OR51B5: variants seen among roughly 807,000 people sequenced by gnomAD.
The protein encoded by OR51B5 is olfactory receptor family 51 subfamily B member 5, also known as olfactory receptor 51B5.
For missense variants in OR51B5, 456 were observed against 374.6 expected (o/e 1.22, Z -1.79); for synonymous variants, 186 against 144.8 (o/e 1.28, Z -2.04).
intron 1 of OR51B5, among the ~76,000 whole-genome samples, chr11:5,377,284 T>A (rs1310009130): frequency 1.5e-4 from 23 of 152,164 alleles, no homozygotes. Flanking sequence ...AAACTTTCAA[T>A]AAATTAGGTA....
At chr11:5,439,780 G>C (rs1180713090) in intron 1 of OR51B5, among the ~76,000 whole-genome samples, 6 of 152,122 alleles carry the variant, frequency 3.9e-5, no homozygotes, top group Non-Finnish European at 8.8e-5. Flanking sequence ...TAATACCTGA[G>C]TGCTGTCAGA....
At chr11:5,351,411 TCTTATGAACA>T (rs11278853) in intron 1 of OR51B5, 163,015 of 900,482 alleles carry the variant, frequency 0.18, 14,830 homozygotes, top group Non-Finnish European at 0.21. Context: ...CTGGTGAACA[TCTTATGAACA>T]GGTAGAATTC....
Position 5,386,939 on chromosome 11 carries a change from G to A in OR51B5, n.85-40029C>T, listed in dbSNP as rs542681737. Among the ~76,000 whole-genome samples, 28 of 152,024 alleles carry A rather than the reference G, an allele frequency of 1.8e-4. No homozygotes were observed. In the South Asian group the frequency reaches 5.0e-3, roughly 27 times the overall value. ...TCAGGTGTGAAAAGATGGATGCTGG[G>A]CTCAATATTAGACGTGTTGAGTTTC... On this transcript the variant is annotated intron_variant and non_coding_transcript_variant, in intron 1 of 4. Transcript: ENST00000415970.
At chr11:5,398,111 T>A (rs1015158093) in intron 1 of OR51B5, among the ~76,000 whole-genome samples, 1 of 152,038 alleles carries the variant, frequency 6.6e-6, no homozygotes, top group Admixed American at 6.6e-5. Flanking sequence ...AAATGGTGAG[T>A]TAATGGGTGC....
chr11:5,351,899 C>T (rs5006887), intron 1 of OR51B5: 398,644 of 1,584,586 alleles, frequency 0.25, 54,398 homozygotes, highest in African/African-American at 0.31. Flanking sequence ...TTAAGATATA[C>T]CTCTATCCTG....
At chr11:5,357,041 A>T (rs940774748) in intron 1 of OR51B5, among the ~76,000 whole-genome samples, 3 of 152,088 alleles carry the variant, frequency 2.0e-5, no homozygotes, top group Non-Finnish European at 2.9e-5. Context: ...TGTAAAGACC[A>T]TTGAGGCTAG....
At chr11:5,382,725 G>A (rs950699468) in intron 1 of OR51B5, among the ~76,000 whole-genome samples, 3 of 152,120 alleles carry the variant, frequency 2.0e-5, no homozygotes, top group Non-Finnish European at 4.4e-5. Context: ...CCTGCTCTCT[G>A]CATCTTGTCC....
chr11:5,379,470 A>G (rs1487696894), intron 1 of OR51B5, among the ~76,000 whole-genome samples: 1 of 125,780 alleles, frequency 8.0e-6, no homozygotes, highest in Admixed American at 7.9e-5. Flanking sequence ...TAATAATAAT[A>G]AATAAAATAA....
intron 1 of OR51B5, among the ~76,000 whole-genome samples, chr11:5,418,344 A>T (rs1291618178): frequency 6.6e-6 from 1 of 152,100 alleles, no homozygotes; most frequent in Non-Finnish European, 1.5e-5. Context: ...AGCATGTCAC[A>T]TGTATACATA....
At chr11:5,476,609 A>T (rs1291899678) in intron 1 of OR51B5, among the ~76,000 whole-genome samples, 2 of 152,220 alleles carry the variant, frequency 1.3e-5, no homozygotes, top group African/African-American at 4.8e-5. Flanking sequence ...GAACAAGCCG[A>T]TAAGAGGAAG....
chr11:5,459,365 T>G (rs1031638838), intron 1 of OR51B5, among the ~76,000 whole-genome samples: 8 of 152,190 alleles, frequency 5.3e-5, no homozygotes, highest in Non-Finnish European at 1.2e-4. Context: ...GCTAGCATTT[T>G]GTTGAGGATT....
intron 1 of OR51B5, among the ~76,000 whole-genome samples, chr11:5,356,750 G>A (rs1849200725): frequency 8.0e-6 from 1 of 125,578 alleles, no homozygotes; most frequent in Admixed American, 8.0e-5. Flanking sequence ...CCCACAAAGG[G>A]AAGCCCATCA....
intron 1 of OR51B5, chr11:5,351,628 G>A: frequency 6.2e-7 from 1 of 1,614,044 alleles, no homozygotes; most frequent in Non-Finnish European, 8.5e-7. Context: ...TCTTGGCAAT[G>A]GCACTCTTCT....
intron 1 of OR51B5, among the ~76,000 whole-genome samples, chr11:5,353,323 A>C (rs1305337180): frequency 6.6e-6 from 1 of 152,196 alleles, no homozygotes; most frequent in African/African-American, 2.4e-5. Flanking sequence ...TTGTCTTGAT[A>C]GTTAATTCCA....
At chr11:5,454,070 C>T in intron 1 of OR51B5, 2 of 1,614,124 alleles carry the variant, frequency 1.2e-6, no homozygotes, top group Non-Finnish European at 1.7e-6. Context: ...ATATCAGTAT[C>T]AACAGCATCT....
intron 1 of OR51B5, chr11:5,422,270 GC>G (rs1564808223): frequency 6.2e-7 from 1 of 1,614,046 alleles, no homozygotes; most frequent in Non-Finnish European, 8.5e-7. Context: ...TGGATTTGAG[GC>G]CTCCCACATC....
At chr11:5,424,296 G>C (rs1231611141) in intron 1 of OR51B5, among the ~76,000 whole-genome samples, 1 of 152,092 alleles carries the variant, frequency 6.6e-6, no homozygotes, top group African/African-American at 2.4e-5. Flanking sequence ...ACATAGAAGG[G>C]TGAGGAAAAT....
intron 1 of OR51B5, among the ~76,000 whole-genome samples, chr11:5,489,998 G>T (rs1851559282): frequency 6.6e-6 from 1 of 152,190 alleles, no homozygotes; most frequent in Non-Finnish European, 1.5e-5. Flanking sequence ...GACTCCAAGT[G>T]AAAAACAAAG....
At chr11:5,389,631 T>C in intron 1 of OR51B5, 1 of 1,613,790 alleles carries the variant, frequency 6.2e-7, no homozygotes, top group East Asian at 2.2e-5. Flanking sequence ...CTATCCTTGC[T>C]GGCCCTCACT....
Sources: allele counts gnomAD v4.1 joint callset (sites outside exome capture counted in the v4.1 genomes callset), GRCh38; gene constraint gnomAD v4.1.1; transcripts MANE v1.5; gene names NCBI Gene and HGNC (gene_info 2026-07-23, HGNC 2026-07-21).